OLFM2: variants seen among roughly 807,000 people sequenced by gnomAD.
OLFM2 encodes olfactomedin 2.
In OLFM2, 20 loss-of-function variants were observed where a neutral mutation model predicts 43.9. That is an observed-to-expected ratio of 0.46 (90% CI 0.32 to 0.66). The LOEUF is 0.66. Among genes scored for constraint, OLFM2 ranks in the 30% least tolerant of loss-of-function variants. OLFM2 has a pLI of 0.04. For synonymous variants in OLFM2, 268 were observed against 278.6 expected (o/e 0.96, Z 0.38); for missense variants, 416 against 643.6 (o/e 0.65, Z 3.83).
intron 1 of OLFM2, among the ~76,000 whole-genome samples, chr19:9,904,070 A>G (rs1253037516): frequency 1.3e-5 from 2 of 151,796 alleles, no homozygotes; most frequent in African/African-American, 2.4e-5. Flanking sequence ...TGGGCATTAC[A>G]CTGAGGGTTG....
At chr19:9,870,409 G>A (rs997238401) in intron 1 of OLFM2, among the ~76,000 whole-genome samples, 1 of 152,076 alleles carries the variant, frequency 6.6e-6, no homozygotes, top group Non-Finnish European at 1.5e-5. Flanking sequence ...GGGATGAGAG[G>A]GGACACTTGC....
intron 1 of OLFM2, among the ~76,000 whole-genome samples, chr19:9,892,570 G>A (rs2046648457): frequency 6.6e-6 from 1 of 152,142 alleles, no homozygotes; most frequent in South Asian, 2.1e-4. Context: ...AATTAGCTAG[G>A]CTTGGTGGCG....
At chr19:9,867,186 C>T (rs2046408398) in intron 1 of OLFM2, among the ~76,000 whole-genome samples, 1 of 152,186 alleles carries the variant, frequency 6.6e-6, no homozygotes, top group South Asian at 2.1e-4. Flanking sequence ...GTCTGGCCAA[C>T]ATGGTGAAAC....
At chr19:9,899,187 C>CCCGGGAGGTGGAGGCTGCA (rs2046710054) in intron 1 of OLFM2, among the ~76,000 whole-genome samples, 1 of 151,854 alleles carries the variant, frequency 6.6e-6, no homozygotes, top group Non-Finnish European at 1.5e-5. Context: ...ATCACTTGAA[C>CCCGGGAGGTGGAGGCTGCA]CCGGGAGGTG....
At chr19:9,920,226 C>T (rs2086411517) in intron 1 of OLFM2, among the ~76,000 whole-genome samples, 1 of 152,076 alleles carries the variant, frequency 6.6e-6, no homozygotes, top group South Asian at 2.1e-4. Context: ...CTGCAGTGAG[C>T]TATGATGGCA....
intron 1 of OLFM2, among the ~76,000 whole-genome samples, chr19:9,862,628 C>T (rs2046372497): frequency 6.6e-6 from 1 of 151,752 alleles, no homozygotes; most frequent in Non-Finnish European, 1.5e-5. Context: ...CTGCAATGAG[C>T]TATGGCTGTG....
chr19:9,933,897 T>C (rs1388973236), intron 1 of OLFM2, among the ~76,000 whole-genome samples: 2 of 152,198 alleles, frequency 1.3e-5, no homozygotes, highest in East Asian at 3.8e-4. Context: ...TTCTTCATGC[T>C]ACTTGCATTG....
rs181999015 is a variant in OLFM2 at position 9,891,815 on chromosome 19, G to A, written c.64-31021C>T. Reference sequence around the variant, plus strand: ...ATGCTGACTGGCACAGAGCCAGTGAGTGTGTGAGACTGAGGTGTGGCACGT... The same window carrying A: ...ATGCTGACTGGCACAGAGCCAGTGAATGTGTGAGACTGAGGTGTGGCACGT... On this transcript the variant is annotated intron_variant, in intron 1 of 5. Transcript: ENST00000264833. Among the ~76,000 whole-genome samples, 993 of 152,286 alleles carry A rather than the reference G, an allele frequency of 6.5e-3. 24 individuals carry two copies. Among genetic ancestry groups the A allele is most frequent in the Admixed American group, 0.022 (334 of 15,292 alleles).
intron 1 of OLFM2, among the ~76,000 whole-genome samples, chr19:9,885,405 T>C (rs1490431257): frequency 6.6e-6 from 1 of 152,198 alleles, no homozygotes; most frequent in Admixed American, 6.6e-5. Context: ...TTGGCACAAA[T>C]GCCTGGTGCT....
At chr19:9,896,835 G>A (rs536334192) in intron 1 of OLFM2, among the ~76,000 whole-genome samples, 127 of 152,240 alleles carry the variant, frequency 8.3e-4, no homozygotes, top group African/African-American at 3.0e-3. Context: ...TGCAGAAAGC[G>A]CCACACATCC....
rs181185162 is a variant in OLFM2, at chr19:9,915,308, C to G, written c.63+20996G>C. 5.3e-5 allele frequency among the ~76,000 whole-genome samples: 8 copies of G among 150,806 alleles called. 1 individual carries two copies. Among genetic ancestry groups the G allele is most frequent in the Admixed American group, 2.0e-4 (3 of 15,150 alleles). On this transcript the variant is annotated intron_variant, in intron 1 of 5. Coordinates refer to ENST00000264833, the MANE Select transcript of OLFM2 (RefSeq NM_058164.4). ...CCCAGGCTGGTCTCGAACCCCTGGC[C>G]TCAATCGATCCTCCCACCTTGGCCT...
At chr19:9,909,077 C>G (rs2046807307) in intron 1 of OLFM2, among the ~76,000 whole-genome samples, 1 of 152,086 alleles carries the variant, frequency 6.6e-6, no homozygotes, top group Admixed American at 6.6e-5. Flanking sequence ...TGGCCTCAAG[C>G]AATCTTCCCA....
intron 1 of OLFM2, among the ~76,000 whole-genome samples, chr19:9,914,007 A>C: frequency 2.3e-5 from 2 of 87,434 alleles, no homozygotes; most frequent in South Asian, 4.3e-4. Flanking sequence ...GGGGTGGGGG[A>C]CCTCCCCCTG....
chr19:9,917,821 C>T (rs2086394366), intron 1 of OLFM2, among the ~76,000 whole-genome samples: 1 of 152,056 alleles, frequency 6.6e-6, no homozygotes. Context: ...CCCTGGCCAC[C>T]TCATCTACAA....
chr19:9,896,017 G>A (rs2046679703), intron 1 of OLFM2, among the ~76,000 whole-genome samples: 1 of 151,786 alleles, frequency 6.6e-6, no homozygotes, highest in Non-Finnish European at 1.5e-5. Context: ...ACAAGAGCCT[G>A]TGGCTCTGCA....
At chr19:9,896,091 A>ATTTT (rs71188854) in intron 1 of OLFM2, among the ~76,000 whole-genome samples, 61 of 95,776 alleles carry the variant, frequency 6.4e-4, no homozygotes, top group East Asian at 1.2e-3. Context: ...CTTTATTTTA[A>ATTTT]TTTTTTTTTT....
At chr19:9,905,178 C>T (rs1227697119) in intron 1 of OLFM2, among the ~76,000 whole-genome samples, 1 of 151,724 alleles carries the variant, frequency 6.6e-6, no homozygotes, top group Non-Finnish European at 1.5e-5. Flanking sequence ...AAAAAAAAGA[C>T]CGGGTGCGGT....
intron 1 of OLFM2, among the ~76,000 whole-genome samples, chr19:9,920,062 C>T (rs921303399): frequency 6.6e-6 from 1 of 151,818 alleles, no homozygotes; most frequent in Non-Finnish European, 1.5e-5. Context: ...CCTTGGCCTC[C>T]CAAAGTGCTA....
chr19:9,919,861 C>T (rs560406859), intron 1 of OLFM2, among the ~76,000 whole-genome samples: 1 of 141,064 alleles, frequency 7.1e-6, no homozygotes, highest in Admixed American at 7.7e-5. Context: ...GTGGTGAGAG[C>T]TCGGCTCACT....
Sources: gnomAD v4.1 joint callset for allele counts (sites outside exome capture counted in the v4.1 genomes callset) on GRCh38, gnomAD v4.1.1 for gene constraint, MANE v1.5 for transcripts, NCBI Gene and HGNC (gene_info 2026-07-23, HGNC 2026-07-21) for gene names.